ITFG2: variants seen among roughly 807,000 people sequenced by gnomAD.
The protein encoded by ITFG2 is KICSTOR complex protein ITFG2.
A neutral mutation model predicts 54.4 loss-of-function variants in ITFG2; 36 were observed. The ratio of observed to expected loss-of-function variants is 0.66; its 90% confidence interval spans 0.51 to 0.87. The LOEUF is 0.87. Ranked by LOEUF, ITFG2 falls within the 40% of genes least tolerant of loss-of-function variation. ITFG2 has a pLI of 0.00. For synonymous variants in ITFG2, 211 were observed against 225.4 expected (o/e 0.94, Z 0.57); for missense variants, 524 against 576.7 (o/e 0.91, Z 0.94).
chr12:2,831,550 C>G (rs977806920), downstream of ITFG2, among the ~76,000 whole-genome samples: 6 of 151,846 alleles, frequency 4.0e-5, no homozygotes. Flanking sequence ...CACCACTGCA[C>G]TCCAGTCTGG....
chr12:2,827,506 C>A (rs1175520644), downstream of ITFG2: 1 of 1,566,080 alleles, frequency 6.4e-7, no homozygotes, highest in African/African-American at 1.4e-5. This position sits in a 1 kb window ranked among gnomAD's most constrained non-coding sequence, Gnocchi z 4.0. Context: ...TCTAAGGAAG[C>A]AAAGGGACAG....
Position 2,857,275 on chromosome 12 carries a change from G to A in ITFG2, n.301-737G>A. ...TAACAGGAGCTGCTGCCGGGCAGAA[G>A]AAAAGCAGGGCAGGCTGGCTCCCAG... is the stretch of plus-strand genomic sequence containing the variant. On this transcript the variant is annotated intron_variant and non_coding_transcript_variant, in intron 2 of 3. Coordinates refer to the ITFG2 transcript ENST00000537710. The A allele has an allele frequency of 1.3e-5, 7 of 545,790 alleles. No individual in the cohort carries two copies. The South Asian group carries it at 1.5e-4, about 11-fold the overall frequency. 33.8% of individuals were successfully genotyped at this position (545,790 alleles called of 1,614,324 possible).
downstream of ITFG2, chr12:2,826,826 G>A: frequency 1.7e-5 from 5 of 290,294 alleles, no homozygotes; most frequent in South Asian, 8.0e-5. Context: ...GTGGGAAGTT[G>A]AGTTGTGTTT....
upstream of ITFG2, chr12:2,834,899 T>A (rs1459403737): frequency 1.2e-6 from 2 of 1,613,760 alleles, no homozygotes; most frequent in African/African-American, 2.7e-5. Flanking sequence ...TCTCTGCTTC[T>A]TCCTGCCTGT....
chr12:2,816,474 C>T (rs1467728786), intron 1 of ITFG2, among the ~76,000 whole-genome samples: 25 of 151,778 alleles, frequency 1.6e-4, no homozygotes, highest in African/African-American at 5.6e-4. Flanking sequence ...GGACCACAGG[C>T]GCCCGCCACC....
At chr12:2,826,825 T>TAAA, downstream of ITFG2, 5 of 283,072 alleles carry the variant, frequency 1.8e-5, no homozygotes, top group South Asian at 8.4e-5. Context: ...TGTGGGAAGT[T>TAAA]GAGTTGTGTT....
Position 2,830,379 on chromosome 12 carries a change from CAT to C in ITFG2, c.*60-454_*60-453del, listed in dbSNP as rs565449412. ...ATTACAGGGCCAATGCCTTAGAACACATGAGTTTTTTCCAGAATTACGTTATC... is the reference window on the plus strand; with the variant it reads ...ATTACAGGGCCAATGCCTTAGAACACGAGTTTTTTCCAGAATTACGTTATC... On this transcript the variant is annotated intron_variant and NMD_transcript_variant, in intron 2 of 2. Transcript: ENST00000538822. 9 of 209,494 alleles carry C rather than the reference CAT, an allele frequency of 4.3e-5. No individual in the cohort carries two copies. The South Asian group carries it at 1.0e-3, about 24-fold the overall frequency. 13.0% of individuals were successfully genotyped at this position (209,494 alleles called of 1,614,324 possible). A position where few individuals can be genotyped will look rare whatever the true frequency, so the allele number is the denominator to read the frequency against.
chr12:2,858,965 C>G, intron 3 of ITFG2: 1 of 1,613,478 alleles, frequency 6.2e-7, no homozygotes, highest in Non-Finnish European at 8.5e-7. Flanking sequence ...GATCCATCAG[C>G]CCCAGGGGGT....
chr12:2,851,288 C>T (rs2098070073), intron 2 of ITFG2, among the ~76,000 whole-genome samples: 1 of 152,084 alleles, frequency 6.6e-6, no homozygotes, highest in South Asian at 2.1e-4. Flanking sequence ...AGGCCTAGGA[C>T]ATTACTGTAC....
downstream of ITFG2, chr12:2,827,809 AG>A (rs2097976230): frequency 6.2e-7 from 1 of 1,603,196 alleles, no homozygotes; most frequent in Non-Finnish European, 8.5e-7. This position sits in a 1 kb window ranked among gnomAD's most constrained non-coding sequence, Gnocchi z 4.0. Context: ...GATGGGGGAT[AG>A]TCAGAACATC....
upstream of ITFG2, chr12:2,835,463 C>T (rs1034452426): frequency 6.4e-6 from 1 of 155,564 alleles, no homozygotes; most frequent in Admixed American, 6.3e-5. Context: ...AGCGTCCTTC[C>T]CTCCTCTCAT....
intron 2 of ITFG2, chr12:2,849,078 G>C (rs1021038573): frequency 1.1e-5 from 8 of 706,156 alleles, no homozygotes; most frequent in Non-Finnish European, 1.8e-5. Context: ...CTGGGGTACA[G>C]AGGTGGCTTG....
intron 2 of ITFG2, among the ~76,000 whole-genome samples, chr12:2,852,485 G>C (rs1456584285): frequency 6.6e-6 from 1 of 152,068 alleles, no homozygotes; most frequent in East Asian, 1.9e-4. Context: ...TCCCACTTCA[G>C]CCTCCCATGT....
At chr12:2,817,342 T>G in intron 2 of ITFG2, 24 bp downstream of exon 2, 1 of 1,545,758 alleles carries the variant, frequency 6.5e-7, no homozygotes, top group South Asian at 1.1e-5. Context: ...TCCCTGGGCC[T>G]GGAGGGGGGA....
At chr12:2,817,049 C>T (rs1346656168) in intron 1 of ITFG2, among the ~76,000 whole-genome samples, 174 bp from the exon 2 acceptor site, 1 of 152,200 alleles carries the variant, frequency 6.6e-6, no homozygotes, top group East Asian at 1.9e-4. Flanking sequence ...ACCTCCACCA[C>T]CCAAAGTAGT....
At chr12:2,813,718 C>T (rs960606710) in intron 1 of ITFG2, among the ~76,000 whole-genome samples, 1 of 152,152 alleles carries the variant, frequency 6.6e-6, no homozygotes, top group African/African-American at 2.4e-5. Flanking sequence ...TCTTCCTACT[C>T]GGCCTCCCTG....
At chr12:2,849,747 G>A (rs549170220) in intron 2 of ITFG2, among the ~76,000 whole-genome samples, 6 of 152,268 alleles carry the variant, frequency 3.9e-5, no homozygotes, top group Non-Finnish European at 7.4e-5. Context: ...AAATAATGTC[G>A]TGCAGCTAGT....
upstream of ITFG2, chr12:2,835,511 C>T (rs759287197): frequency 6.5e-6 from 1 of 152,864 alleles, no homozygotes; most frequent in African/African-American, 2.4e-5. Flanking sequence ...TTGCCTCCCG[C>T]CTAGCAGATG....
chr12:2,836,445 C>G (rs1417908427), upstream of ITFG2, among the ~76,000 whole-genome samples: 3 of 152,212 alleles, frequency 2.0e-5, no homozygotes, highest in Non-Finnish European at 4.4e-5. Flanking sequence ...TCAGACAGCT[C>G]CAAGGCACAT....
Sources: allele counts gnomAD v4.1 joint callset (sites outside exome capture counted in the v4.1 genomes callset), GRCh38; gene constraint gnomAD v4.1.1; non-coding constraint Gnocchi (gnomAD v3.1); transcripts MANE v1.5; gene names NCBI Gene and HGNC (gene_info 2026-07-23, HGNC 2026-07-21).